CLMN: variants seen among roughly 807,000 people sequenced by gnomAD.
The protein encoded by CLMN is calmin (calponin-like, transmembrane).
In CLMN, 57 loss-of-function variants were observed where a neutral mutation model predicts 92.7. That is an observed-to-expected ratio of 0.61 (90% confidence interval 0.50 to 0.77). The LOEUF is 0.77. Among genes scored for constraint, CLMN ranks in the 30% least tolerant of loss-of-function variants. The pLI is 0.00. For missense variants in CLMN, 1,158 were observed against 1,237.5 expected (o/e 0.94, Z 0.96); for synonymous variants, 466 against 470.6 (o/e 0.99, Z 0.13).
intron 1 of CLMN, among the ~76,000 whole-genome samples, chr14:95,287,727 T>G (rs1470370142): frequency 6.6e-6 from 1 of 152,198 alleles, no homozygotes; most frequent in East Asian, 1.9e-4. Flanking sequence ...CAGACAACAC[T>G]GGCTTGCAGG....
chr14:95,281,691 G>A (rs540647428), intron 1 of CLMN, among the ~76,000 whole-genome samples: 40 of 152,304 alleles, frequency 2.6e-4, no homozygotes, highest in African/African-American at 9.4e-4. Flanking sequence ...CCAGTTCAAG[G>A]AAAGCCTTCT....
At chr14:95,197,748 AGCCAC>A (rs1328351624) in intron 9 of CLMN, among the ~76,000 whole-genome samples, 1 of 152,170 alleles carries the variant, frequency 6.6e-6, no homozygotes, top group African/African-American at 2.4e-5. Flanking sequence ...TCATTGTTGG[AGCCAC>A]GTCTCAAGAA....
Position 95,273,214 on chromosome 14 carries a change from G to C in CLMN, c.83-43081C>G, listed in dbSNP as rs553554964. On this transcript the variant is annotated intron_variant, in intron 1 of 12. Coordinates refer to ENST00000298912, the MANE Select transcript of CLMN (RefSeq NM_024734.4). ...AGACACCAGCAGGTGAGAAGCCCCA[G>C]AGGATGTTCAGAAGGCTTAGAGGCG... 1.5e-3 allele frequency among the ~76,000 whole-genome samples: 222 copies of C among 152,334 alleles called. 1 individual carries two copies. Among genetic ancestry groups the C allele is most frequent in the Non-Finnish European group, 2.4e-3 (160 of 68,026 alleles).
chr14:95,250,647 G>A (rs1266554192), intron 1 of CLMN, among the ~76,000 whole-genome samples: 1 of 152,212 alleles, frequency 6.6e-6, no homozygotes, highest in Non-Finnish European at 1.5e-5. Flanking sequence ...AGCAAGAAAT[G>A]CAAAACAATT....
intron 1 of CLMN, among the ~76,000 whole-genome samples, chr14:95,248,147 T>C (rs950273683): frequency 6.6e-6 from 1 of 151,702 alleles, no homozygotes; most frequent in African/African-American, 2.4e-5. Context: ...AAAAGAAACT[T>C]GTCAAGAGAG....
chr14:95,245,224 ATTATATATATATAT>A (rs1566891131), intron 1 of CLMN, among the ~76,000 whole-genome samples: 333 of 28,328 alleles, frequency 0.012, 32 homozygotes, highest in African/African-American at 0.017. Flanking sequence ...ATATATATAT[ATTATATATATATAT>A]TATATATATA....
At chr14:95,268,537 C>G (rs1312226052) in intron 1 of CLMN, among the ~76,000 whole-genome samples, 2 of 152,212 alleles carry the variant, frequency 1.3e-5, no homozygotes, top group African/African-American at 2.4e-5. Flanking sequence ...AAAAGGGAAC[C>G]ACAACTAATC....
intron 1 of CLMN, among the ~76,000 whole-genome samples, chr14:95,242,574 C>CTTTCTTTTTT (rs749024477): frequency 8.3e-6 from 1 of 119,856 alleles, no homozygotes; most frequent in Non-Finnish European, 1.8e-5. Flanking sequence ...ATCTCTTTTT[C>CTTTCTTTTTT]TTTTTTTTTG....
At chr14:95,284,915 C>G (rs1160948233) in intron 1 of CLMN, among the ~76,000 whole-genome samples, 1 of 152,068 alleles carries the variant, frequency 6.6e-6, no homozygotes, top group Admixed American at 6.6e-5. Flanking sequence ...AATATGAGAT[C>G]TGGGAGGGGC....
intron 3 of CLMN, among the ~76,000 whole-genome samples, chr14:95,223,142 A>C (rs1897601977): frequency 6.6e-6 from 1 of 152,228 alleles, no homozygotes; most frequent in Non-Finnish European, 1.5e-5. Context: ...GTTGTTTAGC[A>C]GTTAGATACT....
intron 1 of CLMN, among the ~76,000 whole-genome samples, chr14:95,308,154 C>T (rs1243680814): frequency 6.6e-6 from 1 of 152,196 alleles, no homozygotes; most frequent in Non-Finnish European, 1.5e-5. Flanking sequence ...GAGATCCACC[C>T]CGGGGAATCA....
At chr14:95,314,329 C>T (rs1468913154) in intron 1 of CLMN, among the ~76,000 whole-genome samples, 1 of 152,012 alleles carries the variant, frequency 6.6e-6, no homozygotes, top group East Asian at 1.9e-4. Context: ...ACCCAGGACA[C>T]TTGGTGGAAG....
chr14:95,276,065 C>A (rs1303700576), intron 1 of CLMN, among the ~76,000 whole-genome samples: 1 of 152,222 alleles, frequency 6.6e-6, no homozygotes, highest in East Asian at 1.9e-4. Context: ...GGGGTCTGAA[C>A]TGGGACCCCT....
chr14:95,272,534 C>T (rs2140724045), intron 1 of CLMN, among the ~76,000 whole-genome samples: 2 of 152,356 alleles, frequency 1.3e-5, no homozygotes, highest in Non-Finnish European at 2.9e-5. Flanking sequence ...AGTGAACTCA[C>T]TGGACAATTG....
intron 5 of CLMN, among the ~76,000 whole-genome samples, chr14:95,214,343 G>GATT (rs1897272424): frequency 7.3e-6 from 1 of 137,100 alleles, no homozygotes; most frequent in Non-Finnish European, 1.5e-5. Flanking sequence ...GGCTGCTGCT[G>GATT]CTTTTTTTTT....
chr14:95,242,250 C>CTTTTTTTTTTTTTTT (rs371417505), intron 1 of CLMN, among the ~76,000 whole-genome samples: 9 of 92,586 alleles, frequency 9.7e-5, no homozygotes, highest in East Asian at 3.6e-4. Flanking sequence ...TTTTCTTTTT[C>CTTTTTTTTTTTTTTT]TTTTTTTTTT....
At chr14:95,291,779 T>G (rs1900577462) in intron 1 of CLMN, among the ~76,000 whole-genome samples, 1 of 152,116 alleles carries the variant, frequency 6.6e-6, no homozygotes, top group South Asian at 2.1e-4. Flanking sequence ...CCAAAAAGCA[T>G]GCAAAGCTGG....
At chr14:95,289,701 T>C (rs1900488113) in intron 1 of CLMN, among the ~76,000 whole-genome samples, 1 of 152,014 alleles carries the variant, frequency 6.6e-6, no homozygotes. Flanking sequence ...CCCAGCCCCA[T>C]TCCTGGGCTG....
intron 4 of CLMN, among the ~76,000 whole-genome samples, chr14:95,219,501 TC>T (rs1566874896): frequency 1.3e-5 from 2 of 152,232 alleles, no homozygotes; most frequent in Non-Finnish European, 2.9e-5. Context: ...CACGCAGCTT[TC>T]GGTCTGGCTG....
Sources: allele counts gnomAD v4.1 joint callset (sites outside exome capture counted in the v4.1 genomes callset), GRCh38; gene constraint gnomAD v4.1.1; transcripts MANE v1.5; gene names NCBI Gene and HGNC (gene_info 2026-07-23, HGNC 2026-07-21).